GOLGA4: variants seen among roughly 807,000 people sequenced by gnomAD.
GOLGA4 encodes golgin A4.
GOLGA4 carries 169 observed loss-of-function variants against 265.9 expected under a neutral mutation model. The observed-to-expected ratio is 0.64, with a 90% CI of 0.56 to 0.72. GOLGA4 has a LOEUF of 0.72. GOLGA4 is among the 30% of genes least tolerant of loss of function. The pLI is 0.00. For synonymous variants in GOLGA4, 923 were observed against 855.8 expected, an observed-to-expected ratio of 1.08 and a Z score of -1.37; for missense variants, 2,482 against 2,483.4, an observed-to-expected ratio of 1.00 and a Z score of 0.01.
At chr3:37,353,382 G>A (rs1420631001) in intron 21 of GOLGA4, among the ~76,000 whole-genome samples, 1 of 152,084 alleles carries the variant, frequency 6.6e-6, no homozygotes, top group African/African-American at 2.4e-5. Context: ...GTGAAGCTCA[G>A]TAAAGTGAAG....
rs373437728 is a variant in GOLGA4, at chr3:37,257,894, CATAT to C, written c.162+6427_162+6430del. Among the ~76,000 whole-genome samples, 45 of 104,902 alleles carry C rather than the reference CATAT, an allele frequency of 4.3e-4. 3 individuals are homozygous for C. Among genetic ancestry groups the C allele is most frequent in the Admixed American group, 1.5e-3 (14 of 9,650 alleles). 68.8% of individuals were successfully genotyped at this position (104,902 alleles called of 152,430 possible). On this transcript the variant is annotated intron_variant, in intron 2 of 23. Transcript: ENST00000361924. ...AATTAGGTGTGTTTTCATATATATA[CATAT>C]ATATATATATATATATGTATGTATA... is the stretch of plus-strand genomic sequence containing the variant.
intron 21 of GOLGA4, among the ~76,000 whole-genome samples, chr3:37,351,789 T>C (rs777554535): frequency 8.5e-5 from 13 of 152,106 alleles, no homozygotes; most frequent in Non-Finnish European, 1.3e-4. Flanking sequence ...AACCATGCTG[T>C]TAACAGGTGT....
chr3:37,340,142 C>G lies in GOLGA4; in HGVS notation c.6415C>G (p.Arg2139Gly), dbSNP rs748895047. Residue 2139 changes from arginine (R) to glycine (G), a missense_variant, in exon 20 of 24, where the codon CGT becomes GGT. Arg to Gly is a moderately radical substitution (Grantham distance 125). Around this residue, in one of 3 missense-constraint regions of GOLGA4, gnomAD observed 942 missense variants for 983.1 expected, o/e 0.96. Coordinates refer to ENST00000361924, the MANE Select transcript of GOLGA4 (RefSeq NM_002078.5). ...TTTTTAGATTCACAATTTAGAAGACCGTTTGAAGAAATATGAAAAGAATGT... is the reference window on the plus strand; with the variant it reads ...TTTTTAGATTCACAATTTAGAAGACGGTTTGAAGAAATATGAAAAGAATGT... ...FREQIHNLED[R>G]LKKYEKNVYA... 5 of 1,361,770 alleles carry G rather than the reference C, an allele frequency of 3.7e-6. No homozygotes were observed. The Admixed American group carries it at 9.2e-5, about 25-fold the overall frequency. The allele number at this position is 1,361,770 out of a possible 1,614,324, so 84.4% of individuals were successfully genotyped here.
At chr3:37,248,709 T>C (rs1208797770) in intron 1 of GOLGA4, among the ~76,000 whole-genome samples, 1 of 151,988 alleles carries the variant, frequency 6.6e-6, no homozygotes, top group Non-Finnish European at 1.5e-5. Context: ...TGTTAAACTT[T>C]GTAAACCCCG....
chr3:37,343,956 A>G (rs1559461081), intron 20 of GOLGA4, among the ~76,000 whole-genome samples: 1 of 152,364 alleles, frequency 6.6e-6, no homozygotes, highest in East Asian at 1.9e-4. Context: ...GTGATTGCAT[A>G]ATGGTGTTAG....
At chr3:37,358,391 G>T (rs749766226) in intron 22 of GOLGA4, among the ~76,000 whole-genome samples, 24 of 152,080 alleles carry the variant, frequency 1.6e-4, no homozygotes, top group Non-Finnish European at 3.4e-4. Flanking sequence ...ACTGTTTTCA[G>T]AGTTTAACCT....
chr3:37,266,739 A>T, intron 2 of GOLGA4: 1 of 411,400 alleles, frequency 2.4e-6, no homozygotes. Flanking sequence ...TTATAGTGTT[A>T]TGCATGCTGC....
Position 37,326,056 on chromosome 3 carries a change from C to T in GOLGA4, c.4170C>T (p.Ser1390=), listed in dbSNP as rs142148069. The change falls in exon 14 of 24, where the codon TCC becomes TCT. Residue 1390 remains serine, a synonymous_variant. Transcript: ENST00000361924. ...NVQLQNSISL[S]EKEAAISSLR... The stretch of plus-strand genomic sequence containing the variant: ...AGCTTCAAAATAGCATCAGCCTATC[C>T]GAAAAAGAAGCAGCCATTTCATCAC... 55 of 1,613,024 alleles carry T rather than the reference C, an allele frequency of 3.4e-5. No individual in the cohort carries two copies. Among genetic ancestry groups the T allele is most frequent in the Middle Eastern group, 3.3e-4 (2 of 6,058 alleles).
At chr3:37,303,399 G>T (rs1314761547) in intron 10 of GOLGA4, among the ~76,000 whole-genome samples, 1 of 152,182 alleles carries the variant, frequency 6.6e-6, no homozygotes, top group Admixed American at 6.5e-5. Flanking sequence ...GTAGAATTTG[G>T]TATCTGATCA....
At position 37,275,242 on chromosome 3, in the gene GOLGA4, G is replaced by GA. The variant is rs1300662121; in HGVS notation, c.163-6706dup. Among the ~76,000 whole-genome samples the GA allele has an allele frequency of 3.0e-3, 292 of 98,840 alleles. 1 individual carries two copies. Among genetic ancestry groups the GA allele is most frequent in the South Asian group, 8.6e-3 (24 of 2,784 alleles). The allele number at this position is 98,840 out of a possible 152,430, so 64.8% of individuals were successfully genotyped here. A position where few individuals can be genotyped will look rare whatever the true frequency, so the allele number is the denominator to read the frequency against. On this transcript the variant is annotated intron_variant, in intron 2 of 23. Coordinates refer to ENST00000361924, the MANE Select transcript of GOLGA4 (RefSeq NM_002078.5). ...AAAAAAAAAAAAAAAAAAAAAAAAA[G>GA]AAAAAAAAAACCCCAAAAAAACAAA...
At chr3:37,290,262 C>T (rs886551057) in intron 5 of GOLGA4, among the ~76,000 whole-genome samples, 4 of 152,020 alleles carry the variant, frequency 2.6e-5, no homozygotes, top group African/African-American at 4.8e-5. Context: ...TCAATATAGC[C>T]GTATTGTCCC....
chr3:37,315,705 TTGAC>T, intron 11 of GOLGA4, 107 bp downstream of exon 11: 1 of 953,620 alleles, frequency 1.0e-6, no homozygotes, highest in Middle Eastern at 2.8e-4. Context: ...ATTTTAGACA[TTGAC>T]TGTTTTCTGA....
intron 10 of GOLGA4, among the ~76,000 whole-genome samples, chr3:37,308,009 G>A (rs2096911778): frequency 6.6e-6 from 1 of 152,122 alleles, no homozygotes; most frequent in Admixed American, 6.5e-5. Context: ...TGAGGCGGGT[G>A]GATTACCTGA....
chr3:37,366,837 A>G lies in GOLGA4; in HGVS notation c.*791A>G, dbSNP rs374602244. ...TCTATTTGGATGAATTTAGTGAGGA[A>G]TTATTTGTCAATATAACTAAATGCT... On this transcript the variant is annotated 3_prime_UTR_variant, in exon 24 of 24. Coordinates refer to ENST00000361924, the MANE Select transcript of GOLGA4 (RefSeq NM_002078.5). The G allele has an allele frequency of 2.0e-5, 3 of 152,240 alleles. No individual in the cohort carries two copies. The highest frequency in any genetic ancestry group is 7.2e-5 in the African/African-American group (3 of 41,470). 9.4% of individuals were successfully genotyped at this position (152,240 alleles called of 1,614,324 possible).
intron 1 of GOLGA4, among the ~76,000 whole-genome samples, chr3:37,250,914 C>T (rs748583873): frequency 4.6e-5 from 7 of 152,014 alleles, no homozygotes; most frequent in African/African-American, 7.2e-5. Flanking sequence ...TGCTGTTTAT[C>T]TGTGCATTTC....
Position 37,361,234 on chromosome 3 carries a change from G to T in GOLGA4, c.6664-9G>T, listed in dbSNP as rs746026306. The T allele has an allele frequency of 3.0e-5, 49 of 1,608,862 alleles. No individual in the cohort carries two copies. Among genetic ancestry groups the T allele is most frequent in the Admixed American group, 1.2e-4 (7 of 59,950 alleles). Reference sequence around the variant, plus strand: ...ACCCAATAAGCTTTTTTTCTTCCTGGCTTTGTAGTTTACTTCACCTCGCAG... The same window carrying T: ...ACCCAATAAGCTTTTTTTCTTCCTGTCTTTGTAGTTTACTTCACCTCGCAG... On this transcript the variant is annotated splice_polypyrimidine_tract_variant and intron_variant, in intron 22 of 23. Coordinates refer to ENST00000361924, the MANE Select transcript of GOLGA4 (RefSeq NM_002078.5).
Position 37,298,859 on chromosome 3 carries a change from C to T in GOLGA4, c.841C>T (p.Leu281=). 2 of 1,607,984 alleles carry T rather than the reference C, an allele frequency of 1.2e-6. No homozygotes were observed. The highest frequency in any genetic ancestry group is 1.7e-6 in the Non-Finnish European group (2 of 1,178,330). Residue 281 remains leucine (L), a synonymous_variant, in exon 8 of 24, where the codon CTG becomes TTG. Transcript: ENST00000361924. The part of the protein sequence containing the change: ...VVEDGTSVKT[L]ETLQQRVKRQ... The stretch of plus-strand genomic sequence containing the variant: ...GGAAGATGGAACTTCTGTAAAAACA[C>T]TGGAAACACTCCAGCAAAGAGTGAA...
At chr3:37,327,849 A>G in intron 14 of GOLGA4, 24 bp downstream of exon 14, 1 of 1,551,794 alleles carries the variant, frequency 6.4e-7, no homozygotes, top group African/African-American at 1.4e-5. Context: ...CAGCTTGAAT[A>G]TTTTTATGGC....
At chr3:37,317,720 A>C (rs1041098270) in intron 11 of GOLGA4, among the ~76,000 whole-genome samples, 1 of 152,168 alleles carries the variant, frequency 6.6e-6, no homozygotes, top group Non-Finnish European at 1.5e-5. Flanking sequence ...AACTCTTAGC[A>C]GTATGATAAA....
Sources: gnomAD v4.1 joint callset for allele counts (sites outside exome capture counted in the v4.1 genomes callset) on GRCh38, gnomAD v4.1.1 for gene constraint, gnomAD v4.1.1 regional missense constraint, MANE v1.5 for transcripts, NCBI Gene and HGNC (gene_info 2026-07-23, HGNC 2026-07-21) for gene names.